Variants in LLGL1 observed in about 807,000 individuals in gnomAD.
LLGL1 encodes LLGL scribble cell polarity complex component 1.
In LLGL1, 58 loss-of-function variants were observed where a neutral mutation model predicts 110.6. That is an observed-to-expected ratio of 0.52 (90% CI 0.42 to 0.65). The LOEUF (loss-of-function observed/expected upper bound fraction) is 0.65. Ranked by LOEUF, LLGL1 falls within the 30% of genes least tolerant of loss-of-function variation. The pLI, the probability that LLGL1 is intolerant of heterozygous loss-of-function variation, is 0.00. For synonymous variants in LLGL1, 674 were observed against 607.2 expected (o/e 1.11, Z -1.62); for missense variants, 1,229 against 1,462.1 (o/e 0.84, Z 2.60).
chr17:18,231,997 A>C (rs1427237935), intron 2 of LLGL1, among the ~76,000 whole-genome samples: 1 of 152,168 alleles, frequency 6.6e-6, no homozygotes, highest in Non-Finnish European at 1.5e-5. Flanking sequence ...TTTGGCCTGA[A>C]GCTGTGGGAA....
intron 4 of LLGL1, 110 bp downstream of exon 4, chr17:18,232,912 G>C (rs1426722580): frequency 7.1e-7 from 1 of 1,411,932 alleles, no homozygotes; most frequent in Admixed American, 1.8e-5. Context: ...TTCAGGGCGG[G>C]ATGCCTTGAG....
chr17:18,237,504 T>C lies in LLGL1; in HGVS notation c.1635T>C (p.Asp545=). ...AGQVLVLELS[D]VPVEQAVSVA... The stretch of plus-strand genomic sequence containing the variant: ...AGGTGCTGGTACTGGAGCTTAGTGA[T>C]GTGCCGGTGGAGCAGGCGGTCAGCG... Residue 545 remains aspartate, a synonymous_variant, in exon 14 of 23, where the codon GAT becomes GAC. Coordinates refer to ENST00000316843, the MANE Select transcript of LLGL1 (RefSeq NM_004140.4). The C allele has an allele frequency of 1.3e-6, 2 of 1,594,646 alleles. No homozygotes were observed. The highest frequency in any genetic ancestry group is 1.7e-6 in the Non-Finnish European group (2 of 1,167,828).
intron 13 of LLGL1, 123 bp from the exon 14 acceptor site, chr17:18,237,358 C>A: frequency 2.1e-6 from 2 of 944,948 alleles, no homozygotes; most frequent in Non-Finnish European, 3.1e-6. Context: ...AGCTGATGAA[C>A]TGAAGACAGT....
At chr17:18,226,081 C>A (rs1597853718) in intron 1 of LLGL1, among the ~76,000 whole-genome samples, 1 of 152,050 alleles carries the variant, frequency 6.6e-6, no homozygotes, top group East Asian at 1.9e-4. Flanking sequence ...GGTCTCTGTC[C>A]CTCTTTCTCC....
chr17:18,241,148 G>A (rs2142709617), intron 17 of LLGL1: 1 of 587,788 alleles, frequency 1.7e-6, no homozygotes, highest in Non-Finnish European at 3.0e-6. Flanking sequence ...CCAGACCCCT[G>A]AGCCCAGTCC....
At chr17:18,237,327 G>A in intron 13 of LLGL1, 154 bp from the exon 14 acceptor site, 1 of 707,532 alleles carries the variant, frequency 1.4e-6, no homozygotes. Flanking sequence ...TATACAGTAG[G>A]CATTCAGTGA....
chr17:18,235,677 G>C lies in LLGL1; in HGVS notation c.1352+140G>C. 5.2e-6 allele frequency: 4 copies of C among 775,264 alleles called. No homozygotes were observed. In the South Asian group the frequency reaches 7.2e-5, roughly 14 times the overall value. The allele number at this position is 775,264 out of a possible 1,614,324, so 48.0% of individuals were successfully genotyped here. ...CAGGTAGTTCCTCCTTGCCCAAGGT[G>C]GTTTGGAATGAAACCTCCCTGGACC... On this transcript the variant is annotated intron_variant, in intron 11 of 22. Transcript: ENST00000316843.
chr17:18,226,676 C>T (rs1437397756), intron 1 of LLGL1, among the ~76,000 whole-genome samples: 1 of 152,262 alleles, frequency 6.6e-6, no homozygotes, highest in African/African-American at 2.4e-5. Context: ...TCCTGCCTTT[C>T]TGCACCAAGG....
intron 1 of LLGL1, among the ~76,000 whole-genome samples, chr17:18,228,847 A>AGTCTTGGAGAGTACTGT (rs1447601872): frequency 6.6e-6 from 1 of 151,962 alleles, no homozygotes. Flanking sequence ...GAGAGTACTG[A>AGTCTTGGAGAGTACTGT]GTCTTGGAGA....
intron 18 of LLGL1, 49 bp from the exon 19 acceptor site, chr17:18,241,835 GT>G (rs1391857723): frequency 6.2e-7 from 1 of 1,603,116 alleles, no homozygotes; most frequent in Non-Finnish European, 8.5e-7. Context: ...CGGAGGAGCT[GT>G]GGTTGGTGGT....
chr17:18,229,281 C>T (rs899369390), intron 1 of LLGL1, among the ~76,000 whole-genome samples: 6 of 152,090 alleles, frequency 3.9e-5, no homozygotes, highest in African/African-American at 7.2e-5. Flanking sequence ...ACACCATCTC[C>T]GCCCCTGATG....
At position 18,242,635 on chromosome 17, in the gene LLGL1, C is replaced by T. The variant is rs753268991; in HGVS notation, c.3116+7C>T. ...ATGTGAAGGATTTCCTGGGGTGAGGCTGGTGGGCAGGTCCACAGGGGGGGC... is the reference window on the plus strand; with the variant it reads ...ATGTGAAGGATTTCCTGGGGTGAGGTTGGTGGGCAGGTCCACAGGGGGGGC... On this transcript the variant is annotated splice_region_variant and intron_variant, in intron 21 of 22. Coordinates refer to ENST00000316843, the MANE Select transcript of LLGL1 (RefSeq NM_004140.4). 1 of 1,603,822 alleles carries T rather than the reference C, an allele frequency of 6.2e-7. No homozygotes were observed. The highest frequency in any genetic ancestry group is 1.1e-5 in the South Asian group (1 of 89,840).
At chr17:18,241,079 C>T (rs1253957976) in intron 17 of LLGL1, 3 of 616,372 alleles carry the variant, frequency 4.9e-6, no homozygotes, top group East Asian at 5.6e-5. Context: ...CTGAGTTCCC[C>T]TGGGAGGGCA....
rs1043206685 is a variant in LLGL1 at position 18,240,914 on chromosome 17, C to T, written c.2502+41C>T. 7.5e-6 allele frequency: 11 copies of T among 1,475,406 alleles called. No homozygotes were observed. The South Asian group carries it at 8.2e-5, about 11-fold the overall frequency. 91.4% of individuals were successfully genotyped at this position (1,475,406 alleles called of 1,614,324 possible). A position where few individuals can be genotyped will look rare whatever the true frequency, so the allele number is the denominator to read the frequency against. Reference sequence around the variant, plus strand: ...CTGTGGGGGACTCTGGGGGACTCCCCTCCAGGCCCCAACCTCATGGACACC... The same window carrying T: ...CTGTGGGGGACTCTGGGGGACTCCCTTCCAGGCCCCAACCTCATGGACACC... On this transcript the variant is annotated intron_variant, in intron 17 of 22. Coordinates refer to ENST00000316843, the MANE Select transcript of LLGL1 (RefSeq NM_004140.4). The surrounding 1 kb of genome is among the most constrained non-coding windows in gnomAD (Gnocchi z 5.3).
chr17:18,239,303 C>T (rs1195986710), intron 16 of LLGL1, among the ~76,000 whole-genome samples: 1 of 152,170 alleles, frequency 6.6e-6, no homozygotes, highest in Admixed American at 6.5e-5. Context: ...GGCTGAGGAC[C>T]TGGCTTTGAT....
chr17:18,241,001 G>T, intron 17 of LLGL1, 128 bp downstream of exon 17: 3 of 1,044,686 alleles, frequency 2.9e-6, no homozygotes, highest in South Asian at 1.8e-5. Context: ...TAATTCCCTT[G>T]CACCCCAGAA....
chr17:18,228,716 A>C (rs1466866116), intron 1 of LLGL1, among the ~76,000 whole-genome samples: 1 of 152,138 alleles, frequency 6.6e-6, no homozygotes, highest in African/African-American at 2.4e-5. Context: ...CTGGCTAGAC[A>C]AGGTCAGGTG....
chr17:18,236,777 GC>G lies in LLGL1; in HGVS notation c.1506+20del. ...TTCCGCAAGGTGGGCCCCTCCCCTG[GC>G]CCTGATGAGCTGGTCCTGACCCCGC... On this transcript the variant is annotated intron_variant, in intron 12 of 22. Coordinates refer to ENST00000316843, the MANE Select transcript of LLGL1 (RefSeq NM_004140.4). The G allele has an allele frequency of 2.5e-6, 4 of 1,612,274 alleles. No homozygotes were observed. The highest frequency in any genetic ancestry group is 3.4e-6 in the Non-Finnish European group (4 of 1,179,700).
chr17:18,230,914 G>A (rs1425147928), intron 2 of LLGL1, among the ~76,000 whole-genome samples: 3 of 152,192 alleles, frequency 2.0e-5, no homozygotes, highest in Admixed American at 2.0e-4. Flanking sequence ...GTGTGGATGG[G>A]CTGAGATGTC....
Sources: allele counts gnomAD v4.1 joint callset (sites outside exome capture counted in the v4.1 genomes callset), GRCh38; gene constraint gnomAD v4.1.1; non-coding constraint Gnocchi (gnomAD v3.1); transcripts MANE v1.5; gene names NCBI Gene and HGNC (gene_info 2026-07-23, HGNC 2026-07-21).